Variants in ARMC2 observed in about 807,000 individuals in gnomAD.
ARMC2 encodes the protein armadillo repeat containing 2.
In ARMC2, 67 loss-of-function variants were observed where a neutral mutation model predicts 90.3. That is an observed-to-expected ratio of 0.74 (90% CI 0.61 to 0.91). The LOEUF (loss-of-function observed/expected upper bound fraction) is 0.91, where lower values mean the gene tolerates loss of function less well. Among genes scored for constraint, ARMC2 ranks in the 40% least tolerant of loss-of-function variants. The pLI, the probability that ARMC2 is intolerant of heterozygous loss-of-function variation, is 0.00. For synonymous variants in ARMC2, 393 were observed against 393.0 expected, an observed-to-expected ratio of 1.00 and a Z score of 0.00; for missense variants, 920 against 1,030.9, an observed-to-expected ratio of 0.89 and a Z score of 1.47.
the ARMC2 span, chr6:108,990,826 A>G: frequency 6.2e-7 from 1 of 1,613,714 alleles, no homozygotes; most frequent in Non-Finnish European, 8.5e-7. Flanking sequence ...TGATCTTCCC[A>G]GCAATAGTCC....
the ARMC2 span, among the ~76,000 whole-genome samples, chr6:109,032,126 G>C: frequency 1.3e-5 from 2 of 152,102 alleles, no homozygotes; most frequent in African/African-American, 4.8e-5. Context: ...AAAAAAATTA[G>C]CCAGGCGTGG....
At chr6:109,009,495 G>A in the ARMC2 span, 207 of 1,225,602 alleles carry the variant, frequency 1.7e-4, 1 homozygote, top group Non-Finnish European at 1.9e-4. Context: ...GCGCGGAGGC[G>A]GCGAGCGCTG....
the ARMC2 span, among the ~76,000 whole-genome samples, chr6:109,051,028 T>A: frequency 1.3e-5 from 2 of 152,200 alleles, no homozygotes; most frequent in Non-Finnish European, 2.9e-5. Flanking sequence ...ATACCTTTTT[T>A]GAACTGATTC....
At chr6:108,925,455 C>T (rs557533565) in intron 10 of ARMC2, among the ~76,000 whole-genome samples, 8 of 152,292 alleles carry the variant, frequency 5.3e-5, no homozygotes, top group African/African-American at 1.7e-4. Flanking sequence ...TTCACTGAAG[C>T]GTCTAGTCTG....
At chr6:108,895,482 C>A (rs1433766628) in intron 6 of ARMC2, among the ~76,000 whole-genome samples, 567 of 100,038 alleles carry the variant, frequency 5.7e-3, no homozygotes, top group African/African-American at 6.9e-3. Context: ...AGACTCATCT[C>A]AAAAAAAAAA....
At position 108,899,741 on chromosome 6, in the gene ARMC2, G is replaced by A. The variant is rs6911885; in HGVS notation, c.796G>A (p.Glu266Lys). 422 of 1,613,638 alleles carry A rather than the reference G, an allele frequency of 2.6e-4. No homozygotes were observed. Among genetic ancestry groups the A allele is most frequent in the Middle Eastern group, 1.3e-3 (8 of 6,060 alleles). Reference protein sequence around the residue: ...QEEDAEIEVDEVFWNTRIVPI... With the variant: ...QEEDAEIEVDKVFWNTRIVPI... ...AGAGGACGCAGAAATAGAAGTAGACGAAGTCTTTTGGAATACAAGGATTGT... is the reference window on the plus strand; with the variant it reads ...AGAGGACGCAGAAATAGAAGTAGACAAAGTCTTTTGGAATACAAGGATTGT... The change falls in exon 7 of 18, where the codon GAA becomes AAA. Residue 266 changes from glutamate (E) to lysine (K), a missense_variant. Physicochemically the swap from Glu to Lys is moderately conservative, Grantham distance 56 (BLOSUM62 1). Coordinates refer to ENST00000392644, the MANE Select transcript of ARMC2 (RefSeq NM_032131.6).
chr6:108,924,981 AGCT>A (rs374388999), intron 10 of ARMC2, among the ~76,000 whole-genome samples: 82 of 152,230 alleles, frequency 5.4e-4, no homozygotes, highest in Non-Finnish European at 9.6e-4. Context: ...CTTGGGAAGG[AGCT>A]GCTGTCAGAA....
At chr6:108,961,483 C>T in intron 13 of ARMC2, 89 bp from the exon 14 acceptor site, 1 of 1,413,570 alleles carries the variant, frequency 7.1e-7, no homozygotes, top group South Asian at 1.4e-5. Flanking sequence ...TCGCAGCCGG[C>T]TCCTGGCCCT....
intron 12 of ARMC2, among the ~76,000 whole-genome samples, chr6:108,945,756 G>A (rs1441183614): frequency 6.6e-6 from 1 of 152,252 alleles, no homozygotes; most frequent in Admixed American, 6.5e-5. Context: ...TGGGCTGAAA[G>A]CAAAACCACC....
At chr6:108,865,627 T>C (rs1486007534) in intron 3 of ARMC2, among the ~76,000 whole-genome samples, 2 of 152,234 alleles carry the variant, frequency 1.3e-5, no homozygotes, top group South Asian at 2.1e-4. Flanking sequence ...ATGCCTTTTA[T>C]TGAGGAGCAT....
intron 6 of ARMC2, 70 bp downstream of exon 6, chr6:108,894,613 T>C: frequency 2.2e-6 from 3 of 1,366,742 alleles, no homozygotes; most frequent in South Asian, 1.4e-5. Flanking sequence ...ACTGAAGATA[T>C]CTATGTTGGC....
chr6:108,998,640 G>A, the ARMC2 span: 3 of 1,613,802 alleles, frequency 1.9e-6, no homozygotes, highest in Non-Finnish European at 2.5e-6. Context: ...ATGAATTTCT[G>A]GACTGATTCC....
At chr6:108,879,415 T>C (rs1777281664) in intron 5 of ARMC2, among the ~76,000 whole-genome samples, 1 of 145,786 alleles carries the variant, frequency 6.9e-6, no homozygotes, top group Non-Finnish European at 1.5e-5. Flanking sequence ...ATCTACCCAT[T>C]CATCCACCCA....
intron 3 of ARMC2, among the ~76,000 whole-genome samples, chr6:108,860,681 A>AG (rs1775143228): frequency 6.7e-6 from 1 of 150,148 alleles, no homozygotes; most frequent in Non-Finnish European, 1.5e-5. Context: ...AAAAAAAAAA[A>AG]GAGTAGTGGC....
chr6:108,959,528 A>C (rs1777835023), intron 13 of ARMC2: 1 of 152,508 alleles, frequency 6.6e-6, no homozygotes, highest in Admixed American at 6.5e-5. Context: ...AGGTGAGACC[A>C]GGTGGAGAAG....
At chr6:108,859,357 TA>T (rs1411775163) in intron 3 of ARMC2, among the ~76,000 whole-genome samples, 1 of 152,132 alleles carries the variant, frequency 6.6e-6, no homozygotes, top group African/African-American at 2.4e-5. Flanking sequence ...TCGTGGTTCT[TA>T]TGTCTCAAGT....
chr6:109,009,179 G>A, the ARMC2 span, among the ~76,000 whole-genome samples: 1 of 152,208 alleles, frequency 6.6e-6, no homozygotes, highest in Non-Finnish European at 1.5e-5. Flanking sequence ...TTCCCCCGAG[G>A]GGCGCAGGAG....
chr6:108,882,067 A>G lies in ARMC2; in HGVS notation c.671+5717A>G, dbSNP rs548496387. 4.1e-4 allele frequency among the ~76,000 whole-genome samples: 63 copies of G among 152,290 alleles called. 1 individual carries two copies. The highest frequency in any genetic ancestry group is 1.4e-3 in the African/African-American group (57 of 41,556). On this transcript the variant is annotated intron_variant, in intron 5 of 17. Coordinates refer to ENST00000392644, the MANE Select transcript of ARMC2 (RefSeq NM_032131.6). ...GGATCACAGAAGGTATTACCTTCCAAAAACATGGAAAGAGTTCAAACAATT... is the reference window on the plus strand; with the variant it reads ...GGATCACAGAAGGTATTACCTTCCAGAAACATGGAAAGAGTTCAAACAATT...
chr6:108,914,213 G>A (rs1395109704), intron 10 of ARMC2, among the ~76,000 whole-genome samples: 3 of 152,076 alleles, frequency 2.0e-5, no homozygotes, highest in Non-Finnish European at 4.4e-5. Context: ...TGATCAGTGG[G>A]TATGAAGGGA....
Sources: allele counts gnomAD v4.1 joint callset (sites outside exome capture counted in the v4.1 genomes callset), GRCh38; gene constraint gnomAD v4.1.1; transcripts MANE v1.5; gene names NCBI Gene and HGNC (gene_info 2026-07-23, HGNC 2026-07-21).